Variants in TMEM117 observed in about 807,000 individuals in gnomAD.
TMEM117 encodes the protein transmembrane protein 117.
TMEM117 carries 27 observed loss-of-function variants against 52.4 expected under a neutral mutation model. That is an observed-to-expected ratio of 0.51 (90% CI 0.38 to 0.71). The LOEUF (loss-of-function observed/expected upper bound fraction) is 0.71, where lower values mean the gene tolerates loss of function less well. TMEM117 is among the 30% of genes least tolerant of loss of function. The probability of loss-of-function intolerance (pLI) is 0.00; values close to 1 mark genes in which losing one functional copy is unlikely to be tolerated. For synonymous variants in TMEM117, 215 were observed against 206.3 expected (o/e 1.04, Z -0.36); for missense variants, 556 against 630.5 (o/e 0.88, Z 1.26).
intron 5 of TMEM117, among the ~76,000 whole-genome samples, chr12:44,288,715 C>T (rs948841578): frequency 1.3e-5 from 2 of 152,050 alleles, no homozygotes; most frequent in Non-Finnish European, 2.9e-5. Context: ...GAATTACTCC[C>T]TTTTTCAGCT....
At chr12:43,984,772 C>G (rs1231200394) in intron 3 of TMEM117, among the ~76,000 whole-genome samples, 1 of 152,006 alleles carries the variant, frequency 6.6e-6, no homozygotes, top group Non-Finnish European at 1.5e-5. Context: ...ATTTTGTAAT[C>G]TGTTTTTTTT....
intron 5 of TMEM117, among the ~76,000 whole-genome samples, chr12:44,223,702 G>A (rs1021921394): frequency 7.9e-5 from 12 of 151,940 alleles, no homozygotes; most frequent in African/African-American, 2.4e-4. Context: ...CAAGTTTTAG[G>A]GTCCTGTTTC....
At chr12:44,183,902 G>A (rs1949240113) in intron 4 of TMEM117, among the ~76,000 whole-genome samples, 1 of 152,140 alleles carries the variant, frequency 6.6e-6, no homozygotes, top group African/African-American at 2.4e-5. Flanking sequence ...CCAAGCCAAG[G>A]CCTAAAATCC....
chr12:44,208,738 T>G (rs991095288), intron 4 of TMEM117, among the ~76,000 whole-genome samples: 165 of 149,616 alleles, frequency 1.1e-3, no homozygotes, highest in Non-Finnish European at 1.9e-3. Flanking sequence ...TTTTTTTTTT[T>G]TTTTTTTTTT....
intron 4 of TMEM117, among the ~76,000 whole-genome samples, chr12:44,174,334 A>G (rs1949089524): frequency 6.6e-6 from 1 of 152,200 alleles, no homozygotes; most frequent in African/African-American, 2.4e-5. Context: ...TCATTTTGGG[A>G]TAAAATAGCC....
intron 6 of TMEM117, among the ~76,000 whole-genome samples, chr12:44,338,602 TAAAAAAAAATATA>T (rs1218559626): frequency 1.3e-5 from 2 of 151,474 alleles, no homozygotes; most frequent in Non-Finnish European, 2.9e-5. Flanking sequence ...ATCCAAGGAT[TAAAAAAAAATATA>T]AATGAGAAGC....
intron 5 of TMEM117, among the ~76,000 whole-genome samples, chr12:44,266,545 C>T (rs368880899): frequency 1.3e-5 from 2 of 151,990 alleles, no homozygotes; most frequent in South Asian, 2.1e-4. Flanking sequence ...AAGTGATTTG[C>T]ATGTATTTTC....
intron 5 of TMEM117, among the ~76,000 whole-genome samples, chr12:44,296,965 G>A (rs1430774217): frequency 1.3e-5 from 2 of 152,194 alleles, no homozygotes; most frequent in Non-Finnish European, 2.9e-5. Flanking sequence ...GTACAAGCCT[G>A]CCCTCTCAGA....
At chr12:44,279,951 C>T (rs1950558344) in intron 5 of TMEM117, among the ~76,000 whole-genome samples, 1 of 152,104 alleles carries the variant, frequency 6.6e-6, no homozygotes, top group Non-Finnish European at 1.5e-5. Context: ...TCTCTCCTTC[C>T]CTAGATTTTT....
intron 4 of TMEM117, among the ~76,000 whole-genome samples, chr12:44,159,256 G>A (rs1948867354): frequency 6.6e-6 from 1 of 152,086 alleles, no homozygotes; most frequent in South Asian, 2.1e-4. Flanking sequence ...GTCTGTTACT[G>A]CCTTAAAATC....
the TMEM117 span, chr12:43,797,959 T>C: frequency 9.9e-7 from 1 of 1,006,038 alleles, no homozygotes; most frequent in African/African-American, 1.6e-5. Context: ...AAAATTATTT[T>C]TCACATTTGT....
intron 6 of TMEM117, among the ~76,000 whole-genome samples, chr12:44,368,336 C>T (rs1951818019): frequency 6.6e-6 from 1 of 152,112 alleles, no homozygotes; most frequent in South Asian, 2.1e-4. Context: ...AATATATCCT[C>T]CATAAGACAT....
At chr12:43,954,826 C>CA in intron 3 of TMEM117, among the ~76,000 whole-genome samples, 1 of 152,024 alleles carries the variant, frequency 6.6e-6, no homozygotes, top group Non-Finnish European at 1.5e-5. Context: ...AGAGATACAA[C>CA]AAAAAAAGAA....
At chr12:43,858,462 G>A (rs1180164770) in intron 2 of TMEM117, among the ~76,000 whole-genome samples, 2 of 152,132 alleles carry the variant, frequency 1.3e-5, no homozygotes, top group African/African-American at 2.4e-5. Context: ...TCATTTAGTC[G>A]CCCCCACAAG....
chr12:43,979,479 A>G (rs1207738821), intron 3 of TMEM117, among the ~76,000 whole-genome samples: 1 of 152,154 alleles, frequency 6.6e-6, no homozygotes, highest in African/African-American at 2.4e-5. Context: ...TTCCAATGAA[A>G]TTGGTGAGCT....
chr12:44,124,476 G>T (rs1216443462), intron 3 of TMEM117, among the ~76,000 whole-genome samples: 1 of 152,184 alleles, frequency 6.6e-6, no homozygotes, highest in Non-Finnish European at 1.5e-5. Context: ...ACCTTGTCTT[G>T]TGCCAGTTTT....
At chr12:44,045,847 G>A (rs984849880) in intron 3 of TMEM117, among the ~76,000 whole-genome samples, 5 of 152,126 alleles carry the variant, frequency 3.3e-5, no homozygotes, top group Admixed American at 1.3e-4. Flanking sequence ...AAAAAGTGCA[G>A]CAGTGAACTC....
chr12:43,949,685 C>A (rs1945189593), intron 3 of TMEM117, among the ~76,000 whole-genome samples: 1 of 152,070 alleles, frequency 6.6e-6, no homozygotes, highest in South Asian at 2.1e-4. Context: ...TTAATGACTG[C>A]CTATCTCCTG....
chr12:43,897,069 A>G (rs530955671), intron 2 of TMEM117, among the ~76,000 whole-genome samples: 1 of 152,250 alleles, frequency 6.6e-6, no homozygotes, highest in Non-Finnish European at 1.5e-5. Context: ...CTCTCTGATT[A>G]TTAAGTAAAT....
Sources: allele counts gnomAD v4.1 joint callset (sites outside exome capture counted in the v4.1 genomes callset), GRCh38; gene constraint gnomAD v4.1.1; transcripts MANE v1.5; gene names NCBI Gene and HGNC (gene_info 2026-07-23, HGNC 2026-07-21).